The following EYS variants were observed in gnomAD, a reference collection of about 807,000 sequenced individuals.
The protein encoded by EYS is protein eyes shut homolog.
In EYS, 250 loss-of-function variants were observed where a neutral mutation model predicts 282.1. The observed-to-expected ratio is 0.89, with a 90% CI of 0.80 to 0.98. The LOEUF (loss-of-function observed/expected upper bound fraction) is 0.98. Among genes scored for constraint, EYS ranks in the 50% least tolerant of loss-of-function variants. The pLI is 0.00. For synonymous variants in EYS, 1,355 were observed against 1,282.9 expected (o/e 1.06, Z -1.20); for missense variants, 4,016 against 3,709.0 (o/e 1.08, Z -2.15).
chr6:63,892,631 A>G (rs145787501), intron 35 of EYS, among the ~76,000 whole-genome samples: 1,696 of 152,322 alleles, frequency 0.011, 24 homozygotes, highest in African/African-American at 0.039. Context: ...AAAACCCTAG[A>G]AGAAAACCTC....
At chr6:64,194,491 A>G (rs1765220351) in intron 31 of EYS, among the ~76,000 whole-genome samples, 1 of 152,092 alleles carries the variant, frequency 6.6e-6, no homozygotes, top group Non-Finnish European at 1.5e-5. Flanking sequence ...TTTTTGTTGT[A>G]GTTTCTTCCT....
chr6:64,912,790 G>A (rs1279965222), intron 15 of EYS, 47 bp from the exon 16 acceptor site: 10 of 1,251,238 alleles, frequency 8.0e-6, no homozygotes, highest in Non-Finnish European at 1.0e-5. Flanking sequence ...TCTTTTTCAA[G>A]TTTATTTTTT....
chr6:64,110,373 A>G (rs1208156464), intron 31 of EYS, among the ~76,000 whole-genome samples: 3 of 151,990 alleles, frequency 2.0e-5, no homozygotes, highest in African/African-American at 7.2e-5. Context: ...GATTTCTCGC[A>G]TTAGGCACTG....
chr6:65,112,648 G>A (rs1032285398), intron 12 of EYS, among the ~76,000 whole-genome samples: 1 of 152,106 alleles, frequency 6.6e-6, no homozygotes, highest in Non-Finnish European at 1.5e-5. Flanking sequence ...ACACAATTTA[G>A]AAGGAGAGAT....
intron 30 of EYS, among the ~76,000 whole-genome samples, chr6:64,255,403 G>A (rs1282104973): frequency 1.3e-5 from 2 of 151,762 alleles, no homozygotes. Context: ...TCTTTGTAAT[G>A]GATTTTTTAA....
At chr6:65,067,508 T>C (rs984549380) in intron 12 of EYS, among the ~76,000 whole-genome samples, 9 of 152,074 alleles carry the variant, frequency 5.9e-5, no homozygotes, top group Non-Finnish European at 1.3e-4. Flanking sequence ...TATAAAATAT[T>C]GTCAAAGCCA....
intron 2 of EYS, among the ~76,000 whole-genome samples, chr6:65,605,225 TGAA>T (rs1294869857): frequency 6.6e-6 from 1 of 151,792 alleles, no homozygotes; most frequent in Admixed American, 6.6e-5. Context: ...ATAATGCAAT[TGAA>T]TACCAATTAA....
chr6:65,213,929 G>A (rs1029268744), intron 12 of EYS, among the ~76,000 whole-genome samples: 2 of 151,954 alleles, frequency 1.3e-5, no homozygotes, highest in South Asian at 2.1e-4. Flanking sequence ...GGGAGGCCGA[G>A]GCAGGCAGAT....
At chr6:65,392,409 C>T (rs1324811281) in intron 7 of EYS, among the ~76,000 whole-genome samples, 3 of 152,068 alleles carry the variant, frequency 2.0e-5, no homozygotes, top group African/African-American at 4.8e-5. Context: ...AGAAAATTTT[C>T]GCAATCTACT....
intron 35 of EYS, among the ~76,000 whole-genome samples, chr6:63,880,856 A>G (rs1411421871): frequency 1.3e-5 from 2 of 152,220 alleles, no homozygotes; most frequent in African/African-American, 2.4e-5. Flanking sequence ...ATCAGTTGAC[A>G]TGATGTTAAA....
chr6:65,321,939 C>A (rs1291256968), intron 11 of EYS, among the ~76,000 whole-genome samples: 2 of 152,164 alleles, frequency 1.3e-5, no homozygotes, highest in Non-Finnish European at 2.9e-5. Flanking sequence ...TCACTTAAAC[C>A]TTCTGAATCT....
intron 32 of EYS, among the ~76,000 whole-genome samples, chr6:64,075,343 G>T (rs1284388102): frequency 2.6e-5 from 4 of 151,868 alleles, no homozygotes; most frequent in Non-Finnish European, 5.9e-5. Flanking sequence ...GCAGCAGCCT[G>T]GTACATAATT....
At chr6:65,538,060 T>C (rs921110273) in intron 2 of EYS, among the ~76,000 whole-genome samples, 1 of 152,106 alleles carries the variant, frequency 6.6e-6, no homozygotes, top group Non-Finnish European at 1.5e-5. Flanking sequence ...TAAATAGCAA[T>C]AAAAAATATA....
At chr6:64,150,376 G>T (rs1179549561) in intron 31 of EYS, among the ~76,000 whole-genome samples, 3 of 152,130 alleles carry the variant, frequency 2.0e-5, no homozygotes, top group African/African-American at 7.2e-5. Flanking sequence ...AAGATTGCTG[G>T]GATGTCTCTA....
At chr6:65,298,098 G>T (rs13217099) in intron 11 of EYS, among the ~76,000 whole-genome samples, 10,039 of 152,108 alleles carry the variant, frequency 0.066, 392 homozygotes, top group African/African-American at 0.09. Context: ...TCCTGTACAA[G>T]AATACGAAGG....
At chr6:65,471,718 A>C (rs1180729647) in intron 5 of EYS, among the ~76,000 whole-genome samples, 3 of 152,136 alleles carry the variant, frequency 2.0e-5, no homozygotes, top group Non-Finnish European at 4.4e-5. Flanking sequence ...CTCTTCTATG[A>C]ATCATAATTA....
At chr6:64,244,240 T>C (rs994866563) in intron 30 of EYS, among the ~76,000 whole-genome samples, 2 of 152,206 alleles carry the variant, frequency 1.3e-5, no homozygotes, top group Admixed American at 6.5e-5. Flanking sequence ...TGTCAACTTA[T>C]AGGAGATAAT....
chr6:65,631,067 T>C (rs1317442534), intron 2 of EYS, among the ~76,000 whole-genome samples: 1 of 152,226 alleles, frequency 6.6e-6, no homozygotes, highest in East Asian at 1.9e-4. Flanking sequence ...AATAGGCTAC[T>C]TGTTAGTATT....
chr6:64,863,332 T>A (rs1406779567), intron 19 of EYS, among the ~76,000 whole-genome samples: 1 of 152,172 alleles, frequency 6.6e-6, no homozygotes, highest in Non-Finnish European at 1.5e-5. Flanking sequence ...TTATTCCCAC[T>A]AGTTTCTTTA....
Sources: allele counts gnomAD v4.1 joint callset (sites outside exome capture counted in the v4.1 genomes callset), GRCh38; gene constraint gnomAD v4.1.1; transcripts MANE v1.5; gene names NCBI Gene and HGNC (gene_info 2026-07-23, HGNC 2026-07-21).